HENMT1: variants seen among roughly 807,000 people sequenced by gnomAD.
The protein encoded by HENMT1 is small RNA 2'-O-methyltransferase.
In HENMT1, 27 loss-of-function variants were observed where a neutral mutation model predicts 31.1. That is an observed-to-expected ratio of 0.87 (90% CI 0.64 to 1.20). The LOEUF (loss-of-function observed/expected upper bound fraction) is 1.20. HENMT1 is among the 50% of genes most tolerant of loss of function. The pLI is 0.00. For synonymous variants in HENMT1, 167 were observed against 172.2 expected, an observed-to-expected ratio of 0.97 and a Z score of 0.24; for missense variants, 438 against 469.6, an observed-to-expected ratio of 0.93 and a Z score of 0.62.
upstream of HENMT1, chr1:108,661,433 A>C (rs536520109): frequency 6.6e-6 from 1 of 152,382 alleles, no homozygotes; most frequent in Admixed American, 6.5e-5. Flanking sequence ...GAAGGCCCCC[A>C]ACTCCGAGCG....
At chr1:108,651,606 T>C (rs775318554) in intron 5 of HENMT1, among the ~76,000 whole-genome samples, 15 of 151,246 alleles carry the variant, frequency 9.9e-5, no homozygotes, top group Non-Finnish European at 1.9e-4. Flanking sequence ...GATTGCACCA[T>C]TGCTCTCCAG....
intron 2 of HENMT1, among the ~76,000 whole-genome samples, chr1:108,659,550 T>G (rs1395084811): frequency 6.6e-6 from 1 of 152,140 alleles, no homozygotes; most frequent in Non-Finnish European, 1.5e-5. Flanking sequence ...ACCCTAGACC[T>G]CCTTAAACAG....
Position 108,648,959 on chromosome 1 carries a change from C to T in HENMT1, c.789G>A (p.Gln263=). Residue 263 remains glutamine, a synonymous_variant, in exon 8 of 8, where the codon CAG becomes CAA. Transcript: ENST00000651461. ...CCAACACAAGTTTAAAGAACCTTTC[C>T]TGCTGTAAGCTTGGGTATGAGGTGG... ...VFTTSYPSLQ[Q]ERFFKLVLVN... is the part of the protein sequence containing the mutation. The T allele has an allele frequency of 6.2e-7, 1 of 1,608,908 alleles. No individual in the cohort carries two copies. Among genetic ancestry groups the T allele is most frequent in the African/African-American group, 1.3e-5 (1 of 74,866 alleles).
Position 108,652,016 on chromosome 1 carries a change from G to A in HENMT1, c.399-807C>T, listed in dbSNP as rs10159211. On this transcript the variant is annotated intron_variant, in intron 5 of 7. Coordinates refer to ENST00000651461, the MANE Select transcript of HENMT1 (RefSeq NM_001102592.2). Reference sequence around the variant, plus strand: ...TAATGAGGAGACACTCAGATACAGCGACATTCTAGAAAATAGCACATATTC... The same window carrying A: ...TAATGAGGAGACACTCAGATACAGCAACATTCTAGAAAATAGCACATATTC... Among the ~76,000 whole-genome samples the A allele has an allele frequency of 1.4e-4, 21 of 152,288 alleles. No homozygotes were observed. In the East Asian group the frequency reaches 3.1e-3, roughly 22 times the overall value.
At chr1:108,659,156 C>G (rs768545909) in intron 2 of HENMT1, among the ~76,000 whole-genome samples, 13 of 152,278 alleles carry the variant, frequency 8.5e-5, no homozygotes, top group Non-Finnish European at 1.5e-4. Context: ...AAATACTTGT[C>G]TGTATTGGAT....
rs775256098 is a variant in HENMT1, at chr1:108,657,545, AC to A, written c.55del (p.Val19PhefsTer24). 3.1e-6 allele frequency: 5 copies of A among 1,613,622 alleles called. No individual in the cohort carries two copies. Among genetic ancestry groups the A allele is most frequent in the African/African-American group, 1.3e-5 (1 of 74,870 alleles). On this transcript the variant is annotated frameshift_variant, in exon 3 of 8. Transcript: ENST00000651461. LOFTEE classifies it high-confidence loss of function. The part of the protein sequence containing the change: ...SSVVDGNFEE[V>X]PRETAIQFKP... ...AAACTGAATTGCCGTCTCCCTGGGA[AC>A]TTCTTCAAAATTACCGTCAACCACA...
chr1:108,654,447 A>G (rs1483366885), intron 5 of HENMT1, among the ~76,000 whole-genome samples: 4 of 152,178 alleles, frequency 2.6e-5, no homozygotes, highest in Non-Finnish European at 5.9e-5. Flanking sequence ...GGGAGGGTGC[A>G]ATGTACAAAT....
intron 4 of HENMT1, among the ~76,000 whole-genome samples, chr1:108,655,244 A>G (rs992430695): frequency 1.8e-4 from 28 of 152,212 alleles, no homozygotes; most frequent in African/African-American, 6.5e-4. Context: ...TTCAAAATGC[A>G]GGCGGTGGCC....
intron 5 of HENMT1, among the ~76,000 whole-genome samples, chr1:108,652,858 C>A (rs1284542658): frequency 6.6e-6 from 1 of 151,656 alleles, no homozygotes; most frequent in Non-Finnish European, 1.5e-5. Context: ...GCAAAAGAAT[C>A]ACTTGAACCC....
In HENMT1 at chr1:108,654,712, T is replaced by G. The variant is rs1190212879; in HGVS notation, c.398+4A>C. On this transcript the variant is annotated splice_donor_region_variant and intron_variant, in intron 5 of 7. Coordinates refer to ENST00000651461, the MANE Select transcript of HENMT1 (RefSeq NM_001102592.2). The stretch of plus-strand genomic sequence containing the variant: ...GTTATACAGTGTATCAGTTTAAAAC[T>G]TACAATTCAATACACGTTATCAAGT... The G allele has an allele frequency of 4.3e-6, 7 of 1,613,864 alleles. No homozygotes were observed.
intron 5 of HENMT1, among the ~76,000 whole-genome samples, chr1:108,653,818 T>C (rs900535439): frequency 1.3e-5 from 2 of 152,244 alleles, no homozygotes; most frequent in Non-Finnish European, 2.9e-5. Flanking sequence ...AATCCCTTGA[T>C]GAATACTTTG....
At chr1:108,651,242 T>C in intron 5 of HENMT1, 33 bp from the exon 6 acceptor site, 2 of 1,559,316 alleles carry the variant, frequency 1.3e-6, no homozygotes, top group Non-Finnish European at 1.8e-6. Flanking sequence ...CATAATAAAA[T>C]CTAGCTTCAC....
At chr1:108,658,392 C>CAAAGTGCTGGGATTACAGGTGTAA (rs906997267) in intron 2 of HENMT1, among the ~76,000 whole-genome samples, 1 of 152,140 alleles carries the variant, frequency 6.6e-6, no homozygotes, top group African/African-American at 2.4e-5. Context: ...CTTGGCCTCC[C>CAAAGTGCTGGGATTACAGGTGTAA]AAAGTGCTGG....
At position 108,650,885 on chromosome 1, in the gene HENMT1, A is replaced by G. The variant is rs1042345469; in HGVS notation, c.578+145T>C. 8 of 649,884 alleles carry G rather than the reference A, an allele frequency of 1.2e-5. No individual in the cohort carries two copies. The East Asian group carries it at 2.2e-4, about 18-fold the overall frequency. The allele number at this position is 649,884 out of a possible 1,614,324, so 40.3% of individuals were successfully genotyped here. A position where few individuals can be genotyped will look rare whatever the true frequency, so the allele number is the denominator to read the frequency against. ...AATGCAATGGTTCCTTTGTGATCTTATTACATACTAAGTCACACATTGGAA... is the reference window on the plus strand; with the variant it reads ...AATGCAATGGTTCCTTTGTGATCTTGTTACATACTAAGTCACACATTGGAA... On this transcript the variant is annotated intron_variant, in intron 6 of 7. Coordinates refer to ENST00000651461, the MANE Select transcript of HENMT1 (RefSeq NM_001102592.2).
chr1:108,654,803 A>T lies in HENMT1; in HGVS notation c.311T>A (p.Leu104Gln). 1 of 1,614,104 alleles carries T rather than the reference A, an allele frequency of 6.2e-7. No individual in the cohort carries two copies. The change falls in exon 5 of 8, where the codon CTG becomes CAG. Residue 104 changes from leucine (L) to glutamine (Q), a missense_variant. Coordinates refer to ENST00000651461, the MANE Select transcript of HENMT1 (RefSeq NM_001102592.2). ...ATGATACAATGTGATGGTCAAATTC[A>T]GATCCCGAGGTTTCAGAAAATCCCC... Reference protein sequence around the residue: ...FLGDFLKPRDLNLTITLYHGS... With the variant: ...FLGDFLKPRDQNLTITLYHGS...
At chr1:108,650,013 C>T in intron 7 of HENMT1, 198 bp downstream of exon 7, 1 of 679,800 alleles carries the variant, frequency 1.5e-6, no homozygotes, top group Non-Finnish European at 2.7e-6. Context: ...CCTTGAAACA[C>T]CAAAAGGCCA....
rs1658167113 is a variant in HENMT1 at position 108,654,799 on chromosome 1, A to G, written c.315T>C (p.Asn105=). 6.2e-7 allele frequency: 1 copy of G among 1,614,006 alleles called. No homozygotes were observed. Among genetic ancestry groups the G allele is most frequent in the African/African-American group, 1.3e-5 (1 of 74,940 alleles). ...LGDFLKPRDL[N]LTITLYHGSV... ...AGCCATGATACAATGTGATGGTCAAATTCAGATCCCGAGGTTTCAGAAAAT... is the reference window on the plus strand; with the variant it reads ...AGCCATGATACAATGTGATGGTCAAGTTCAGATCCCGAGGTTTCAGAAAAT... The change falls in exon 5 of 8, where the codon AAT becomes AAC. Residue 105 remains asparagine, a synonymous_variant. Coordinates refer to ENST00000651461, the MANE Select transcript of HENMT1 (RefSeq NM_001102592.2).
At chr1:108,650,526 CCA>C in intron 6 of HENMT1, 138 bp from the exon 7 acceptor site, 1 of 736,358 alleles carries the variant, frequency 1.4e-6, no homozygotes, top group Non-Finnish European at 2.2e-6. Flanking sequence ...AAATTCCTAA[CCA>C]CCAGTGTATT....
intron 1 of HENMT1, 71 bp downstream of exon 1, chr1:108,660,892 C>A (rs1360169337): frequency 2.6e-6 from 2 of 763,754 alleles, no homozygotes; most frequent in Non-Finnish European, 3.2e-6. Context: ...CCACTGCACT[C>A]CAGCCTGGGC....
Sources: allele counts gnomAD v4.1 joint callset (sites outside exome capture counted in the v4.1 genomes callset), GRCh38; gene constraint gnomAD v4.1.1; transcripts MANE v1.5; gene names NCBI Gene and HGNC (gene_info 2026-07-23, HGNC 2026-07-21).